CCDC175: variants seen among roughly 807,000 people sequenced by gnomAD.
CCDC175 encodes the protein coiled-coil domain containing 175.
In CCDC175, 100 loss-of-function variants were observed where a neutral mutation model predicts 114.6. The observed-to-expected ratio is 0.87, with a 90% CI of 0.74 to 1.03. The LOEUF (loss-of-function observed/expected upper bound fraction) is 1.03. CCDC175 is among the 50% of genes least tolerant of loss of function. The pLI is 0.00. For missense variants in CCDC175, 880 were observed against 917.8 expected (o/e 0.96, Z 0.53); for synonymous variants, 306 against 308.7 (o/e 0.99, Z 0.09).
chr14:59,536,813 G>A (rs1352917712), intron 13 of CCDC175, among the ~76,000 whole-genome samples: 1 of 152,074 alleles, frequency 6.6e-6, no homozygotes, highest in Admixed American at 6.5e-5. Context: ...ATGGAGTCTC[G>A]CTCTGTCGCC....
At chr14:59,515,880 C>T (rs1226445469) in intron 17 of CCDC175, among the ~76,000 whole-genome samples, 1 of 152,224 alleles carries the variant, frequency 6.6e-6, no homozygotes, top group Non-Finnish European at 1.5e-5. Flanking sequence ...CTCAGCACCA[C>T]ACCGCACTTA....
chr14:59,520,803 C>G (rs1462687774), intron 17 of CCDC175, among the ~76,000 whole-genome samples: 1 of 152,086 alleles, frequency 6.6e-6, no homozygotes, highest in Non-Finnish European at 1.5e-5. Context: ...TGACAGAAAG[C>G]AGATCAATGG....
At chr14:59,568,643 T>C (rs1896688114) in intron 3 of CCDC175, among the ~76,000 whole-genome samples, 1 of 152,178 alleles carries the variant, frequency 6.6e-6, no homozygotes, top group Admixed American at 6.5e-5. Context: ...GCCCGTTCCA[T>C]GCACTTCTCA....
chr14:59,543,462 G>A lies in CCDC175; in HGVS notation c.1173-8C>T. The A allele has an allele frequency of 8.6e-7, 1 of 1,157,986 alleles. No individual in the cohort carries two copies. 71.7% of individuals were successfully genotyped at this position (1,157,986 alleles called of 1,614,324 possible). A position where few individuals can be genotyped will look rare whatever the true frequency, so the allele number is the denominator to read the frequency against. On this transcript the variant is annotated splice_region_variant and splice_polypyrimidine_tract_variant and intron_variant, in intron 9 of 19. Transcript: ENST00000537690. Reference sequence around the variant, plus strand: ...GTCAGCTGTTTCTGATTTCTATCATGAAAAACAGAGTTATTTGTTGAAGGC... The same window carrying A: ...GTCAGCTGTTTCTGATTTCTATCATAAAAAACAGAGTTATTTGTTGAAGGC...
chr14:59,557,326 T>C (rs1000531839), intron 7 of CCDC175, among the ~76,000 whole-genome samples: 3 of 151,920 alleles, frequency 2.0e-5, no homozygotes, highest in Admixed American at 2.0e-4. Context: ...GGGACATGGA[T>C]GAAGCTGGAA....
intron 7 of CCDC175, among the ~76,000 whole-genome samples, chr14:59,556,551 G>A (rs1474228985): frequency 6.6e-6 from 1 of 152,156 alleles, no homozygotes; most frequent in Non-Finnish European, 1.5e-5. Context: ...ATAGGCATGG[G>A]CAAGGACTTC....
At chr14:59,531,340 G>A (rs955519041) in intron 14 of CCDC175, among the ~76,000 whole-genome samples, 5 of 133,528 alleles carry the variant, frequency 3.7e-5, no homozygotes, top group Non-Finnish European at 3.1e-5. Context: ...CTGTGCCTCA[G>A]GAGGAAGTTA....
At chr14:59,575,617 C>A (rs546962502) in intron 1 of CCDC175, among the ~76,000 whole-genome samples, 2 of 149,944 alleles carry the variant, frequency 1.3e-5, no homozygotes, top group South Asian at 2.1e-4. Context: ...TCAACGGATT[C>A]TCCTGCCTCA....
At chr14:59,507,078 A>T (rs1892464394) in intron 19 of CCDC175, among the ~76,000 whole-genome samples, 1 of 152,224 alleles carries the variant, frequency 6.6e-6, no homozygotes, top group Non-Finnish European at 1.5e-5. Context: ...GATTTACAAG[A>T]AATAAAATTA....
intron 9 of CCDC175, among the ~76,000 whole-genome samples, chr14:59,544,836 C>G (rs1208685029): frequency 6.6e-6 from 1 of 152,112 alleles, no homozygotes; most frequent in Non-Finnish European, 1.5e-5. Flanking sequence ...AGACACCAGA[C>G]AGACAGCATG....
chr14:59,557,088 C>T (rs1335391298), intron 7 of CCDC175, among the ~76,000 whole-genome samples: 1 of 152,148 alleles, frequency 6.6e-6, no homozygotes, highest in Non-Finnish European at 1.5e-5. Context: ...ACTAGAAATA[C>T]CTTTTGACCC....
chr14:59,556,087 A>T (rs1229245575), intron 7 of CCDC175, among the ~76,000 whole-genome samples: 1 of 152,220 alleles, frequency 6.6e-6, no homozygotes, highest in Non-Finnish European at 1.5e-5. Context: ...GCTACCAGTG[A>T]CTTTCTTCAC....
chr14:59,573,554 T>C (rs1896946089), intron 2 of CCDC175, among the ~76,000 whole-genome samples: 1 of 152,078 alleles, frequency 6.6e-6, no homozygotes, highest in South Asian at 2.1e-4. Flanking sequence ...TTTTTCTTAA[T>C]TTTTCAAAGT....
chr14:59,521,747 A>G, intron 16 of CCDC175, 71 bp from the exon 17 acceptor site: 1 of 854,526 alleles, frequency 1.2e-6, no homozygotes, highest in Non-Finnish European at 1.9e-6. Flanking sequence ...GTAGTCATTC[A>G]GCAAACATGT....
In CCDC175 at chr14:59,510,807, A is replaced by T. The variant is rs1286628469; in HGVS notation, c.2144T>A (p.Ile715Asn). 2.0e-6 allele frequency: 3 copies of T among 1,535,044 alleles called. No individual in the cohort carries two copies. Among genetic ancestry groups the T allele is most frequent in the East Asian group, 2.4e-5 (1 of 40,870 alleles). The change falls in exon 19 of 20, where the codon ATC becomes AAC. Residue 715 changes from isoleucine to asparagine, a missense_variant and splice_region_variant. Transcript: ENST00000537690. The part of the protein sequence containing the change: ...LWAEFQTTVK[I>N]LVDNGEETLQ... Reference sequence around the variant, plus strand: ...GGTCTCTTCACCATTGTCCACCAAGATCTAAAGAAATGGCATTTTAGGCTG... The same window carrying T: ...GGTCTCTTCACCATTGTCCACCAAGTTCTAAAGAAATGGCATTTTAGGCTG...
At chr14:59,519,935 G>A (rs190605156) in intron 17 of CCDC175, among the ~76,000 whole-genome samples, 4 of 152,308 alleles carry the variant, frequency 2.6e-5, no homozygotes, top group East Asian at 1.9e-4. Flanking sequence ...GGCCTCCCTC[G>A]AGATCCAGCT....
chr14:59,538,284 A>C, intron 12 of CCDC175, 130 bp from the exon 13 acceptor site: 2 of 719,544 alleles, frequency 2.8e-6, no homozygotes, highest in Middle Eastern at 2.9e-4. Flanking sequence ...ATTTCTCAGC[A>C]ACCACTGAGA....
chr14:59,515,639 C>A (rs1893033615), intron 17 of CCDC175, among the ~76,000 whole-genome samples: 1 of 152,102 alleles, frequency 6.6e-6, no homozygotes, highest in African/African-American at 2.4e-5. Context: ...TATATGCACC[C>A]AATACAGGAG....
intron 7 of CCDC175, among the ~76,000 whole-genome samples, chr14:59,551,778 C>G (rs1479272355): frequency 6.6e-6 from 1 of 152,190 alleles, no homozygotes; most frequent in African/African-American, 2.4e-5. Context: ...CCTAATACTG[C>G]ACTTTTCCAA....
Sources: allele counts gnomAD v4.1 joint callset (sites outside exome capture counted in the v4.1 genomes callset), GRCh38; gene constraint gnomAD v4.1.1; transcripts MANE v1.5; gene names NCBI Gene and HGNC (gene_info 2026-07-23, HGNC 2026-07-21).